PLCL2: variants seen among roughly 807,000 people sequenced by gnomAD.
The protein encoded by PLCL2 is inactive phospholipase C-like protein 2.
Under a neutral mutation model 79.6 loss-of-function variants are expected in PLCL2, and 4 were observed. That is an observed-to-expected ratio of 0.05 (90% CI 0.02 to 0.11). The LOEUF is 0.11. Among genes scored for constraint, PLCL2 ranks in the 10% least tolerant of loss-of-function variants. The pLI is 1.00. For synonymous variants in PLCL2, 484 were observed against 457.7 expected (o/e 1.06, Z -0.73); for missense variants, 895 against 1,291.0 (o/e 0.69, Z 4.70).
chr3:16,987,995 C>T (rs77643012), intron 1 of PLCL2, among the ~76,000 whole-genome samples: 80 of 152,216 alleles, frequency 5.3e-4, no homozygotes, highest in African/African-American at 1.7e-3. Context: ...TATAAATGAA[C>T]GAGCAAGCTA....
chr3:16,902,302 C>T (rs1696639837), intron 1 of PLCL2, among the ~76,000 whole-genome samples: 1 of 152,136 alleles, frequency 6.6e-6, no homozygotes, highest in East Asian at 1.9e-4. Flanking sequence ...GCAAGGTCTT[C>T]TTTCATAAGA....
chr3:16,916,293 A>G (rs771705453), intron 1 of PLCL2, among the ~76,000 whole-genome samples: 1 of 152,124 alleles, frequency 6.6e-6, no homozygotes, highest in Non-Finnish European at 1.5e-5. Flanking sequence ...TATTTTGTTT[A>G]AAAAAATATA....
chr3:16,929,777 G>A (rs1255713656), intron 1 of PLCL2, among the ~76,000 whole-genome samples: 2 of 152,168 alleles, frequency 1.3e-5, no homozygotes, highest in Non-Finnish European at 2.9e-5. Context: ...CCTGACATAG[G>A]AACTATTTGA....
At chr3:17,061,357 A>C (rs1464576656) in intron 4 of PLCL2, among the ~76,000 whole-genome samples, 1 of 152,210 alleles carries the variant, frequency 6.6e-6, no homozygotes, top group Non-Finnish European at 1.5e-5. Flanking sequence ...TGGGAAGCAG[A>C]AAACTTGATA....
chr3:17,050,468 A>G (rs778576958), intron 4 of PLCL2, among the ~76,000 whole-genome samples: 6 of 152,200 alleles, frequency 3.9e-5, no homozygotes, highest in Admixed American at 1.3e-4. Context: ...TAATAATCCA[A>G]TTTTAAAATG....
chr3:16,909,747 TTCTG>T (rs1364942576), intron 1 of PLCL2, among the ~76,000 whole-genome samples: 1 of 152,332 alleles, frequency 6.6e-6, no homozygotes, highest in Admixed American at 6.5e-5. Flanking sequence ...TCAAAAATAA[TTCTG>T]TCTTTTTTGG....
chr3:17,001,785 A>G (rs568472153), intron 1 of PLCL2, among the ~76,000 whole-genome samples: 2 of 151,776 alleles, frequency 1.3e-5, no homozygotes, highest in African/African-American at 2.4e-5. Flanking sequence ...GTCAGGTAGT[A>G]TGATGATGCC....
chr3:16,900,147 TGAA>T (rs1696584720), intron 1 of PLCL2, among the ~76,000 whole-genome samples: 1 of 152,194 alleles, frequency 6.6e-6, no homozygotes, highest in Admixed American at 6.5e-5. Flanking sequence ...CTCAGAGTCT[TGAA>T]GAATTCTGTT....
intron 1 of PLCL2, among the ~76,000 whole-genome samples, chr3:16,995,106 A>C (rs144607064): frequency 0.011 from 1,640 of 152,356 alleles, 30 homozygotes; most frequent in Admixed American, 0.046. Context: ...CATCAGAAGG[A>C]AATTCCAGCC....
At chr3:16,979,715 G>C (rs2063961789) in intron 1 of PLCL2, among the ~76,000 whole-genome samples, 1 of 146,274 alleles carries the variant, frequency 6.8e-6, no homozygotes, top group South Asian at 2.3e-4. Context: ...AGAACAAAAT[G>C]AAAAGTCTCC....
intron 4 of PLCL2, among the ~76,000 whole-genome samples, chr3:17,061,058 ACT>A (rs1206510800): frequency 6.6e-6 from 1 of 152,172 alleles, no homozygotes; most frequent in East Asian, 1.9e-4. Flanking sequence ...AATTTTTAAA[ACT>A]ATATTTGCTT....
At chr3:17,067,094 T>C (rs547072611) in intron 4 of PLCL2, among the ~76,000 whole-genome samples, 2 of 152,272 alleles carry the variant, frequency 1.3e-5, no homozygotes, top group Admixed American at 6.5e-5. Context: ...CATGACCTAA[T>C]TGTACATTGT....
At chr3:16,928,940 G>A (rs1697322122) in intron 1 of PLCL2, among the ~76,000 whole-genome samples, 1 of 48,190 alleles carries the variant, frequency 2.1e-5, no homozygotes. Context: ...TGGTTTGAGA[G>A]TGAGTGGGAA....
rs561971657 is a variant in PLCL2 at position 17,031,271 on chromosome 3, C to T, written c.3019-11603C>T. 6.6e-5 allele frequency among the ~76,000 whole-genome samples: 10 copies of T among 152,252 alleles called. No individual in the cohort carries two copies. In the South Asian group the frequency reaches 2.1e-3, roughly 32 times the overall value. On this transcript the variant is annotated intron_variant, in intron 3 of 5. Transcript: ENST00000615277. Reference sequence around the variant, plus strand: ...AAGACCAAGGGAGAGACAGTGAGGCCATAGGCCCTCTTTCCAGGCACTTAC... The same window carrying T: ...AAGACCAAGGGAGAGACAGTGAGGCTATAGGCCCTCTTTCCAGGCACTTAC...
intron 1 of PLCL2, among the ~76,000 whole-genome samples, chr3:17,008,807 T>A (rs1488195759): frequency 6.6e-6 from 1 of 152,172 alleles, no homozygotes; most frequent in Non-Finnish European, 1.5e-5. Flanking sequence ...CTCTGGGCTC[T>A]GAAAATTGTT....
intron 1 of PLCL2, among the ~76,000 whole-genome samples, chr3:16,978,991 C>T (rs538825290): frequency 6.6e-6 from 1 of 152,244 alleles, no homozygotes; most frequent in Non-Finnish European, 1.5e-5. Flanking sequence ...GGAATGATGC[C>T]TTCTTTTTGG....
intron 5 of PLCL2, among the ~76,000 whole-genome samples, chr3:17,085,974 A>T (rs1394048228): frequency 1.3e-5 from 2 of 152,228 alleles, no homozygotes; most frequent in East Asian, 3.8e-4. Context: ...TATTGTCAAG[A>T]TATCAGTTCT....
intron 1 of PLCL2, among the ~76,000 whole-genome samples, chr3:16,929,441 C>T (rs1478084062): frequency 6.6e-6 from 1 of 152,160 alleles, no homozygotes; most frequent in Admixed American, 6.5e-5. Flanking sequence ...GTGAAGTTAT[C>T]AGACACTCTG....
chr3:16,944,306 G>T (rs1405027976), intron 1 of PLCL2, among the ~76,000 whole-genome samples: 1 of 152,138 alleles, frequency 6.6e-6, no homozygotes, highest in African/African-American at 2.4e-5. Flanking sequence ...TAACGTGCCA[G>T]AAGCCTACCC....
Sources: gnomAD v4.1 joint callset for allele counts (sites outside exome capture counted in the v4.1 genomes callset) on GRCh38, gnomAD v4.1.1 for gene constraint, MANE v1.5 for transcripts, NCBI Gene and HGNC (gene_info 2026-07-23, HGNC 2026-07-21) for gene names.